CDH12: variants seen among roughly 807,000 people sequenced by gnomAD.
The protein encoded by CDH12 is cadherin 12.
A neutral mutation model predicts 74.1 loss-of-function variants in CDH12; 41 were observed. The ratio of observed to expected loss-of-function variants is 0.55; its 90% CI spans 0.43 to 0.72. The LOEUF (loss-of-function observed/expected upper bound fraction) is 0.72. Among genes scored for constraint, CDH12 ranks in the 30% least tolerant of loss-of-function variants. The probability of loss-of-function intolerance (pLI) is 0.00; values close to 1 mark genes in which losing one functional copy is unlikely to be tolerated. For synonymous variants in CDH12, 399 were observed against 355.0 expected, an observed-to-expected ratio of 1.12 and a Z score of -1.39; for missense variants, 945 against 977.2, an observed-to-expected ratio of 0.97 and a Z score of 0.44.
chr5:22,280,366 T>C (rs968366772), intron 3 of CDH12, among the ~76,000 whole-genome samples: 33 of 152,036 alleles, frequency 2.2e-4, no homozygotes, highest in African/African-American at 8.0e-4. Flanking sequence ...AAGAAATAAC[T>C]AAGATCAGAG....
intron 1 of CDH12, among the ~76,000 whole-genome samples, chr5:22,692,075 C>A (rs1742112966): frequency 1.3e-5 from 2 of 152,050 alleles, no homozygotes. Context: ...GTCATGGGGT[C>A]GAATCTCTCA....
At chr5:22,719,065 A>G (rs1468166040) in intron 1 of CDH12, among the ~76,000 whole-genome samples, 1 of 152,188 alleles carries the variant, frequency 6.6e-6, no homozygotes, top group Non-Finnish European at 1.5e-5. Flanking sequence ...ATTGATAGCC[A>G]GCTAGTCTGA....
rs527697977 is a variant in CDH12 at position 21,868,875 on chromosome 5, T to C, written c.527-14085A>G. Among the ~76,000 whole-genome samples, 5 of 152,234 alleles carry C rather than the reference T, an allele frequency of 3.3e-5. No homozygotes were observed. In the South Asian group the frequency reaches 1.0e-3, roughly 32 times the overall value. On this transcript the variant is annotated intron_variant, in intron 6 of 14. Transcript: ENST00000382254. ...ACTGGCATAGAATGAATGCATTTGA[T>C]TGTGAAAAGGACATTAATTTTGAGG...
At chr5:22,744,158 G>C (rs765151545) in intron 1 of CDH12, among the ~76,000 whole-genome samples, 16 of 152,048 alleles carry the variant, frequency 1.1e-4, no homozygotes, top group Non-Finnish European at 1.9e-4. Context: ...GGCCAGGCGC[G>C]GTGGCTCACG....
intron 3 of CDH12, among the ~76,000 whole-genome samples, chr5:22,272,697 C>T (rs1307568827): frequency 6.6e-6 from 1 of 152,160 alleles, no homozygotes; most frequent in African/African-American, 2.4e-5. Flanking sequence ...AATAGGGTTG[C>T]TCAAGGAAAA....
chr5:22,443,187 T>C (rs1268967186), intron 2 of CDH12, among the ~76,000 whole-genome samples: 2 of 152,156 alleles, frequency 1.3e-5, no homozygotes, highest in Non-Finnish European at 2.9e-5. Flanking sequence ...ATCATCATCA[T>C]AGCAGAGTAC....
intron 1 of CDH12, among the ~76,000 whole-genome samples, chr5:22,770,987 G>T (rs952286733): frequency 3.9e-5 from 6 of 152,022 alleles, no homozygotes; most frequent in African/African-American, 1.4e-4. Context: ...AAGTTATAAT[G>T]TTTATCAAAA....
At chr5:22,797,800 G>A (rs1561038217) in intron 1 of CDH12, among the ~76,000 whole-genome samples, 2 of 151,258 alleles carry the variant, frequency 1.3e-5, no homozygotes, top group South Asian at 2.1e-4. Context: ...TCTGACTTAA[G>A]ATTTTGAATT....
At chr5:22,797,448 C>A (rs558122605) in intron 1 of CDH12, among the ~76,000 whole-genome samples, 1 of 152,262 alleles carries the variant, frequency 6.6e-6, no homozygotes, top group Non-Finnish European at 1.5e-5. Context: ...GCAGTAGGTA[C>A]TTTTCTTCAG....
At chr5:22,015,676 C>G (rs1416994487) in intron 5 of CDH12, among the ~76,000 whole-genome samples, 3 of 152,064 alleles carry the variant, frequency 2.0e-5, no homozygotes, top group Non-Finnish European at 4.4e-5. Flanking sequence ...ATATAATGTC[C>G]ATGGCTTTAT....
intron 1 of CDH12, among the ~76,000 whole-genome samples, chr5:22,767,206 T>C (rs1033531719): frequency 2.0e-5 from 3 of 151,996 alleles, no homozygotes; most frequent in South Asian, 4.1e-4. Context: ...TTTTGAATAC[T>C]AAACAATCTC....
At chr5:22,370,605 T>C (rs1256797809) in intron 3 of CDH12, among the ~76,000 whole-genome samples, 1 of 152,174 alleles carries the variant, frequency 6.6e-6, no homozygotes, top group East Asian at 1.9e-4. Context: ...AAAAATACTT[T>C]ATATTCATAA....
intron 3 of CDH12, among the ~76,000 whole-genome samples, chr5:22,277,146 A>G (rs1398705729): frequency 6.6e-6 from 1 of 152,156 alleles, no homozygotes; most frequent in Non-Finnish European, 1.5e-5. Flanking sequence ...ATAACTACAA[A>G]TTAGATAATA....
chr5:22,509,740 C>T (rs1202002390), intron 1 of CDH12, among the ~76,000 whole-genome samples: 1 of 152,132 alleles, frequency 6.6e-6, no homozygotes, highest in Non-Finnish European at 1.5e-5. Context: ...CTTCTGTCCA[C>T]TAGTATTGGG....
intron 1 of CDH12, among the ~76,000 whole-genome samples, chr5:22,852,569 G>A (rs917468662): frequency 3.7e-4 from 56 of 152,072 alleles, no homozygotes; most frequent in African/African-American, 1.3e-3. Flanking sequence ...CATTTAAATG[G>A]TTTTACAGTG....
intron 1 of CDH12, among the ~76,000 whole-genome samples, chr5:22,529,521 C>A (rs571595043): frequency 1.3e-5 from 2 of 152,060 alleles, no homozygotes; most frequent in Admixed American, 1.3e-4. Context: ...GGAGAGTCAG[C>A]CTTTTGGTTC....
At position 21,884,109 on chromosome 5, in the gene CDH12, G is replaced by A. The variant is rs1220397632; in HGVS notation, c.527-29319C>T. The A allele has an allele frequency of 4.1e-6, 6 of 1,467,790 alleles. No individual in the cohort carries two copies. In the Admixed American group the frequency reaches 8.4e-5, roughly 20 times the overall value. 90.9% of individuals were successfully genotyped at this position (1,467,790 alleles called of 1,614,324 possible). ...CTCAGAAGTTGGTTATGATGCTATG[G>A]TTGGAGATTTTATGAATATGGTAGA... On this transcript the variant is annotated intron_variant, in intron 6 of 14. Coordinates refer to ENST00000382254, the MANE Select transcript of CDH12 (RefSeq NM_004061.5).
chr5:21,883,206 A>C, intron 6 of CDH12: 26 of 1,392,776 alleles, frequency 1.9e-5, no homozygotes, highest in Non-Finnish European at 2.6e-5. Flanking sequence ...GGATGGAAAA[A>C]CACTGAATGA....
chr5:22,016,419 T>C (rs1041467858), intron 5 of CDH12, among the ~76,000 whole-genome samples: 1 of 152,084 alleles, frequency 6.6e-6, no homozygotes, highest in Non-Finnish European at 1.5e-5. Flanking sequence ...TTTTTGGAGA[T>C]GGAGTCTTGT....
Sources: gnomAD v4.1 joint callset for allele counts (sites outside exome capture counted in the v4.1 genomes callset) on GRCh38, gnomAD v4.1.1 for gene constraint, MANE v1.5 for transcripts, NCBI Gene and HGNC (gene_info 2026-07-23, HGNC 2026-07-21) for gene names.